Variants in NUP58 observed in about 807,000 individuals in gnomAD.
The protein encoded by NUP58 is nucleoporin p58/p45.
A neutral mutation model predicts 70.1 loss-of-function variants in NUP58; 17 were observed. The ratio of observed to expected loss-of-function variants is 0.24; its 90% confidence interval spans 0.17 to 0.36. NUP58 has a LOEUF of 0.36. Ranked by LOEUF, NUP58 falls within the 10% of genes least tolerant of loss-of-function variation. The probability of loss-of-function intolerance (pLI) is 1.00; values close to 1 mark genes in which losing one functional copy is unlikely to be tolerated. For missense variants in NUP58, 644 were observed against 701.5 expected (o/e 0.92, Z 0.93); for synonymous variants, 275 against 257.6 (o/e 1.07, Z -0.65).
intron 13 of NUP58, chr13:25,332,292 T>C: frequency 3.0e-6 from 3 of 985,428 alleles, no homozygotes; most frequent in Non-Finnish European, 3.6e-6. Context: ...CACTTCTAAT[T>C]AGAGAAACAT....
chr13:25,345,386 A>ATAGAT (rs57202846), downstream of NUP58, among the ~76,000 whole-genome samples: 143,338 of 151,982 alleles, frequency 0.94, 68,124 homozygotes, highest in East Asian at 1. Flanking sequence ...CAAGTATGTG[A>ATAGAT]TAGATCAGGG....
Position 25,326,994 on chromosome 13 carries a change from T to C in NUP58, c.1110T>C (p.His370=), listed in dbSNP as rs116037792. 5.2e-4 allele frequency: 830 copies of C among 1,605,410 alleles called. 6 individuals carry two copies. In the African/African-American group the frequency reaches 9.9e-3, roughly 19 times the overall value. The change falls in exon 11 of 16, where the codon CAT becomes CAC. Residue 370 remains histidine (H), a synonymous_variant. Transcript: ENST00000381736. ...AGCAGATTGAAGAACTAGAAAACCATCTTGCCACTCAAGCAAATAATTCAC... is the reference window on the plus strand; with the variant it reads ...AGCAGATTGAAGAACTAGAAAACCACCTTGCCACTCAAGCAAATAATTCAC... The part of the protein sequence containing the change: ...YRQQIEELEN[H]LATQANNSHI...
downstream of NUP58, among the ~76,000 whole-genome samples, chr13:25,343,702 C>T (rs895169569): frequency 1.3e-5 from 2 of 151,490 alleles, no homozygotes; most frequent in African/African-American, 4.9e-5. Flanking sequence ...GGTAATCTGC[C>T]CGCCTCGGCC....
chr13:25,317,996 T>A (rs970337969), intron 6 of NUP58, among the ~76,000 whole-genome samples: 1 of 151,782 alleles, frequency 6.6e-6, no homozygotes, highest in South Asian at 2.1e-4. Context: ...CCTAAGTAGC[T>A]GGGACCACAA....
intron 1 of NUP58, among the ~76,000 whole-genome samples, chr13:25,306,247 T>C (rs1299452737): frequency 6.6e-6 from 1 of 151,562 alleles, no homozygotes; most frequent in Non-Finnish European, 1.5e-5. Context: ...CTAGTAAAAA[T>C]ACAAAAAATT....
intron 13 of NUP58, chr13:25,334,363 A>G: frequency 1.0e-6 from 1 of 985,406 alleles, no homozygotes; most frequent in Non-Finnish European, 1.2e-6. Context: ...ATGTTTACAT[A>G]ATAAGACTTT....
At position 25,341,975 on chromosome 13, in the gene NUP58, T is replaced by C. The variant is rs1295842974; in HGVS notation, c.*1841T>C. ...GTTTGATTATAAAAGTGTTGTCAAA[T>C]GTTTTATTTATCTGCATATAGCAGT... On this transcript the variant is annotated 3_prime_UTR_variant, in exon 16 of 16. Transcript: ENST00000381736. 6.6e-6 allele frequency: 1 copy of C among 152,202 alleles called. No homozygotes were observed. Among genetic ancestry groups the C allele is most frequent in the Non-Finnish European group, 1.5e-5 (1 of 68,018 alleles). The allele number at this position is 152,202 out of a possible 1,614,324, so 9.4% of individuals were successfully genotyped here. A position where few individuals can be genotyped will look rare whatever the true frequency, so the allele number is the denominator to read the frequency against.
intron 13 of NUP58, chr13:25,334,637 T>C: frequency 1.0e-6 from 1 of 981,724 alleles, no homozygotes; most frequent in Non-Finnish European, 1.2e-6. Context: ...TTTTAAAATG[T>C]GACTTAGAAA....
rs1476756941 is a variant in NUP58 at position 25,319,360 on chromosome 13, C to CA, written c.710+13dup. ...CGGGAACAAGACCAGAGTAAGTTTACAAATTTACCCTTAAGGCATTTTAAT... is the reference window on the plus strand; with the variant it reads ...CGGGAACAAGACCAGAGTAAGTTTACAAAATTTACCCTTAAGGCATTTTAAT... On this transcript the variant is annotated intron_variant, in intron 7 of 15. Coordinates refer to ENST00000381736, the MANE Select transcript of NUP58 (RefSeq NM_014089.4). 2 of 1,609,012 alleles carry CA rather than the reference C, an allele frequency of 1.2e-6. No individual in the cohort carries two copies. Among genetic ancestry groups the CA allele is most frequent in the Non-Finnish European group, 1.7e-6 (2 of 1,175,828 alleles).
Position 25,313,655 on chromosome 13 carries a change from G to A in NUP58, c.478G>A (p.Ala160Thr), listed in dbSNP as rs1343812332. The stretch of plus-strand genomic sequence containing the variant: ...TCTAAATAATTTGGGTGGGACAACA[G>A]CCACAACTACAACTGCATCAACAGG... The part of the protein sequence containing the change: ...FTLNNLGGTT[A>T]TTTTASTGLS... Residue 160 changes from alanine (A) to threonine (T), a missense_variant, in exon 5 of 16, where the codon GCC (alanine) becomes ACC (threonine). This residue lies in a region of NUP58 where 430 missense variants were observed against 409.2 expected (regional missense o/e 1.05). Transcript: ENST00000381736. The A allele has an allele frequency of 1.3e-6, 2 of 1,527,436 alleles. No homozygotes were observed. Among genetic ancestry groups the A allele is most frequent in the Non-Finnish European group, 8.7e-7 (1 of 1,150,784 alleles). The allele number at this position is 1,527,436 out of a possible 1,614,324, so 94.6% of individuals were successfully genotyped here.
At chr13:25,339,899 C>T (rs2031902620) in intron 15 of NUP58, 66 bp from the exon 16 acceptor site, 6 of 1,358,910 alleles carry the variant, frequency 4.4e-6, no homozygotes, top group African/African-American at 3.0e-5. Flanking sequence ...TACTGCTCCT[C>T]CCTGTTTTTA....
chr13:25,338,664 C>T lies in NUP58; in HGVS notation c.1563C>T (p.Cys521=). The T allele has an allele frequency of 6.2e-7, 1 of 1,613,632 alleles. No homozygotes were observed. The highest frequency in any genetic ancestry group is 8.5e-7 in the Non-Finnish European group (1 of 1,179,678). Residue 521 remains cysteine (C), a synonymous_variant, in exon 15 of 16, where the codon TGC becomes TGT. Transcript: ENST00000381736. ...TTGGAACTAGCTCTGGTTTTGGATGCAGCACCACAGGGGCCTCCACATTTG... is the reference window on the plus strand; with the variant it reads ...TTGGAACTAGCTCTGGTTTTGGATGTAGCACCACAGGGGCCTCCACATTTG... ...GGFGTSSGFG[C]STTGASTFGF...
At position 25,320,560 on chromosome 13, in the gene NUP58, A is replaced by G. The variant is rs894203170; in HGVS notation, c.741A>G (p.Leu247=). ...EDSKALKDEN[L]PPVICQDVEN... ...GTAAAGCTCTGAAGGATGAAAATCT[A>G]CCTCCTGTCATCTGCCAGGATGTTG... The change falls in exon 8 of 16, where the codon CTA becomes CTG. Residue 247 remains leucine, a synonymous_variant. Transcript: ENST00000381736. 6.2e-7 allele frequency: 1 copy of G among 1,610,916 alleles called. No homozygotes were observed. Among genetic ancestry groups the G allele is most frequent in the African/African-American group, 1.3e-5 (1 of 74,924 alleles).
intron 14 of NUP58, among the ~76,000 whole-genome samples, chr13:25,337,647 G>A (rs567869923): frequency 6.6e-6 from 1 of 152,232 alleles, no homozygotes; most frequent in Admixed American, 6.5e-5. Flanking sequence ...ACTGAAAGTT[G>A]GTTGTATTTT....
intron 11 of NUP58, 91 bp from the exon 12 acceptor site, chr13:25,327,339 T>C: frequency 1.3e-6 from 1 of 776,570 alleles, no homozygotes; most frequent in Non-Finnish European, 2.1e-6. Flanking sequence ...ACACGTTAAC[T>C]GTGCCAAAAA....
intron 10 of NUP58, among the ~76,000 whole-genome samples, chr13:25,325,886 T>C (rs184305440): frequency 1.3e-5 from 2 of 152,288 alleles, no homozygotes; most frequent in East Asian, 3.9e-4. Flanking sequence ...CTTTTAGTTT[T>C]TTATTATAAT....
intron 13 of NUP58, chr13:25,332,905 C>G: frequency 1.0e-6 from 1 of 984,522 alleles, no homozygotes; most frequent in Non-Finnish European, 1.2e-6. Context: ...ATTACCTAAC[C>G]AGTTAATCAA....
downstream of NUP58, among the ~76,000 whole-genome samples, chr13:25,344,649 C>A (rs6491038): frequency 6.6e-6 from 1 of 152,214 alleles, no homozygotes; most frequent in Non-Finnish European, 1.5e-5. Flanking sequence ...ACACAAAATA[C>A]GTCCTGGGGG....
intron 3 of NUP58, among the ~76,000 whole-genome samples, chr13:25,311,880 A>G (rs746574711): frequency 6.6e-5 from 10 of 152,134 alleles, no homozygotes; most frequent in Admixed American, 2.0e-4. Flanking sequence ...GTACAGGAGA[A>G]GGAAAGGATG....
Sources: gnomAD v4.1 joint callset for allele counts (sites outside exome capture counted in the v4.1 genomes callset) on GRCh38, gnomAD v4.1.1 for gene constraint, gnomAD v4.1.1 regional missense constraint, MANE v1.5 for transcripts, NCBI Gene and HGNC (gene_info 2026-07-23, HGNC 2026-07-21) for gene names.